EEPD1: variants seen among roughly 807,000 people sequenced by gnomAD.
EEPD1 encodes the protein endonuclease/exonuclease/phosphatase family domain containing 1, also known as endonuclease/exonuclease/phosphatase family domain-containing protein 1.
In EEPD1, 17 loss-of-function variants were observed where a neutral mutation model predicts 46.3. The observed-to-expected ratio is 0.37, with a 90% CI of 0.25 to 0.55. The LOEUF (loss-of-function observed/expected upper bound fraction) is 0.55, where lower values mean the gene tolerates loss of function less well. Among genes scored for constraint, EEPD1 ranks in the 20% least tolerant of loss-of-function variants. The probability of loss-of-function intolerance (pLI) is 0.83; values close to 1 mark genes in which losing one functional copy is unlikely to be tolerated. For synonymous variants in EEPD1, 313 were observed against 315.6 expected, an observed-to-expected ratio of 0.99 and a Z score of 0.09; for missense variants, 673 against 745.6, an observed-to-expected ratio of 0.90 and a Z score of 1.13.
At chr7:36,278,754 C>G in intron 3 of EEPD1, among the ~76,000 whole-genome samples, 1 of 152,278 alleles carries the variant, frequency 6.6e-6, no homozygotes, top group East Asian at 1.9e-4. Flanking sequence ...AAGTTACAGT[C>G]GATAAATTCT....
intron 3 of EEPD1, among the ~76,000 whole-genome samples, chr7:36,240,063 G>A (rs983649829): frequency 1.1e-4 from 17 of 152,168 alleles, no homozygotes; most frequent in African/African-American, 3.9e-4. Flanking sequence ...GAGCCCAGGA[G>A]TTTGAGACCA....
intron 6 of EEPD1, among the ~76,000 whole-genome samples, chr7:36,296,520 C>G (rs894437427): frequency 1.2e-4 from 18 of 151,650 alleles, no homozygotes; most frequent in African/African-American, 4.3e-4. Context: ...TTTCCCTGTG[C>G]TGTGTTGGTT....
intron 2 of EEPD1, among the ~76,000 whole-genome samples, chr7:36,156,548 G>A (rs73337029): frequency 1.6e-3 from 250 of 152,324 alleles, no homozygotes; most frequent in African/African-American, 5.6e-3. Flanking sequence ...GGGAAATGAG[G>A]AGGGGAGAGG....
At chr7:36,197,674 G>A (rs568465561) in intron 2 of EEPD1, among the ~76,000 whole-genome samples, 2 of 152,128 alleles carry the variant, frequency 1.3e-5, no homozygotes, top group South Asian at 4.2e-4. Flanking sequence ...TGGATTAAGG[G>A]CGGTGCAAGA....
intron 2 of EEPD1, among the ~76,000 whole-genome samples, chr7:36,218,635 T>C (rs1046190832): frequency 2.6e-5 from 4 of 152,192 alleles, no homozygotes; most frequent in African/African-American, 9.7e-5. Context: ...GTGAATTGTA[T>C]ATTTCCAGAA....
intron 6 of EEPD1, among the ~76,000 whole-genome samples, chr7:36,295,120 G>C (rs1442679731): frequency 6.6e-6 from 1 of 151,292 alleles, no homozygotes; most frequent in African/African-American, 2.4e-5. Context: ...AGAGGTTGCA[G>C]TGAGCCGAGA....
At chr7:36,235,923 T>C (rs1786425587) in intron 2 of EEPD1, among the ~76,000 whole-genome samples, 1 of 146,756 alleles carries the variant, frequency 6.8e-6, no homozygotes, top group Non-Finnish European at 1.5e-5. Context: ...TCTAGAACTT[T>C]TTCCTTTTTT....
intron 2 of EEPD1, among the ~76,000 whole-genome samples, chr7:36,223,826 A>G (rs1327767649): frequency 6.6e-6 from 1 of 152,236 alleles, no homozygotes; most frequent in Non-Finnish European, 1.5e-5. Flanking sequence ...GTTTAGCTTT[A>G]GAATCTGCAG....
intron 6 of EEPD1, among the ~76,000 whole-genome samples, chr7:36,289,656 G>A (rs569139410): frequency 3.3e-5 from 5 of 152,304 alleles, no homozygotes; most frequent in African/African-American, 1.2e-4. Context: ...CACCGCGCCT[G>A]GCTAATTTTT....
intron 2 of EEPD1, among the ~76,000 whole-genome samples, chr7:36,162,886 T>C (rs971304526): frequency 6.6e-6 from 1 of 152,208 alleles, no homozygotes; most frequent in African/African-American, 2.4e-5. Context: ...TTGCCACATT[T>C]AAGGTTGCAC....
chr7:36,275,935 A>G (rs1328638656), intron 3 of EEPD1, among the ~76,000 whole-genome samples: 2 of 152,096 alleles, frequency 1.3e-5, no homozygotes, highest in Non-Finnish European at 2.9e-5. Flanking sequence ...TCCACGGCCG[A>G]CCCAAGATAC....
At chr7:36,258,060 G>A (rs1297120674) in intron 3 of EEPD1, among the ~76,000 whole-genome samples, 4 of 152,096 alleles carry the variant, frequency 2.6e-5, no homozygotes, top group South Asian at 2.1e-4. Context: ...CTGTTTGTTC[G>A]TTTTGCTTGT....
intron 3 of EEPD1, among the ~76,000 whole-genome samples, chr7:36,268,252 G>C (rs1787054711): frequency 6.6e-6 from 1 of 152,044 alleles, no homozygotes; most frequent in African/African-American, 2.4e-5. Flanking sequence ...CGCAGGTTCA[G>C]GTGATTCTCT....
intron 2 of EEPD1, among the ~76,000 whole-genome samples, chr7:36,157,988 T>C (rs1370557717): frequency 1.3e-5 from 2 of 152,212 alleles, no homozygotes; most frequent in Non-Finnish European, 1.5e-5. Context: ...GTGGCTCTTA[T>C]TTACATCCAT....
At chr7:36,203,190 G>T (rs1276298521) in intron 2 of EEPD1, among the ~76,000 whole-genome samples, 1 of 152,180 alleles carries the variant, frequency 6.6e-6, no homozygotes, top group African/African-American at 2.4e-5. Flanking sequence ...GCTCCTCGTG[G>T]CAGGGCCATG....
At chr7:36,168,467 A>G (rs1785025582) in intron 2 of EEPD1, among the ~76,000 whole-genome samples, 1 of 152,184 alleles carries the variant, frequency 6.6e-6, no homozygotes, top group Non-Finnish European at 1.5e-5. Flanking sequence ...AAGAAAGGGG[A>G]CAGTTGGCCG....
intron 2 of EEPD1, among the ~76,000 whole-genome samples, chr7:36,204,824 T>C (rs1030926443): frequency 6.6e-6 from 1 of 152,022 alleles, no homozygotes. Context: ...GTTTGTTTTT[T>C]AAAAAAAGAG....
intron 2 of EEPD1, among the ~76,000 whole-genome samples, chr7:36,216,158 G>A (rs1393694016): frequency 2.0e-5 from 3 of 152,180 alleles, no homozygotes; most frequent in Non-Finnish European, 4.4e-5. Context: ...ATCCAGAGAA[G>A]TATATCCAAT....
At chr7:36,170,244 A>C (rs1041247868) in intron 2 of EEPD1, among the ~76,000 whole-genome samples, 2 of 152,240 alleles carry the variant, frequency 1.3e-5, no homozygotes, top group African/African-American at 2.4e-5. Context: ...CTCTGTCTCT[A>C]CTAAAAATAC....
Sources: gnomAD v4.1 joint callset for allele counts (sites outside exome capture counted in the v4.1 genomes callset) on GRCh38, gnomAD v4.1.1 for gene constraint, MANE v1.5 for transcripts, NCBI Gene and HGNC (gene_info 2026-07-23, HGNC 2026-07-21) for gene names.